Variants in UBR4 observed in about 807,000 individuals in gnomAD.
The protein encoded by UBR4 is ubiquitin protein ligase E3 component n-recognin 4, also known as E3 ubiquitin-protein ligase UBR4.
In UBR4, 124 loss-of-function variants were observed where a neutral mutation model predicts 575.6. The observed-to-expected ratio is 0.22, with a 90% confidence interval of 0.19 to 0.25. The LOEUF is 0.25. Ranked by LOEUF, UBR4 falls within the 10% of genes least tolerant of loss-of-function variation. The probability of loss-of-function intolerance (pLI) is 1.00; values close to 1 mark genes in which losing one functional copy is unlikely to be tolerated. For missense variants in UBR4, 4,818 were observed against 6,478.8 expected, an observed-to-expected ratio of 0.74 and a Z score of 8.80; for synonymous variants, 2,455 against 2,473.7, an observed-to-expected ratio of 0.99 and a Z score of 0.22.
Position 19,153,635 on chromosome 1 carries a change from C to A in UBR4, c.6630+133G>T. The stretch of plus-strand genomic sequence containing the variant: ...GTACAGAAGGGTGGCAAAGAAAAGG[C>A]ATCTAGAAGAAAAAGGACTGAAAAT... On this transcript the variant is annotated intron_variant, in intron 45 of 105. Coordinates refer to ENST00000375254, the MANE Select transcript of UBR4 (RefSeq NM_020765.3). The surrounding 1 kb of genome is among the most constrained non-coding windows in gnomAD (Gnocchi z 4.1). 1 of 1,460,554 alleles carries A rather than the reference C, an allele frequency of 6.8e-7. No homozygotes were observed. The highest frequency in any genetic ancestry group is 1.3e-5 in the South Asian group (1 of 75,912). The allele number at this position is 1,460,554 out of a possible 1,614,324, so 90.5% of individuals were successfully genotyped here. A position where few individuals can be genotyped will look rare whatever the true frequency, so the allele number is the denominator to read the frequency against.
At chr1:19,115,362 G>C in intron 74 of UBR4, 36 bp downstream of exon 74, 1 of 1,604,944 alleles carries the variant, frequency 6.2e-7, no homozygotes, top group Non-Finnish European at 8.5e-7. Context: ...CAAGGAATGT[G>C]CACAGCCCTG....
intron 60 of UBR4, among the ~76,000 whole-genome samples, chr1:19,133,513 A>T (rs1351444729): frequency 1.3e-5 from 2 of 152,212 alleles, no homozygotes; most frequent in East Asian, 3.8e-4. Context: ...ACTTCTTTCA[A>T]CATTGTACAA....
rs748323629 is a variant in UBR4, at chr1:19,151,825, T to C, written c.7031A>G (p.Asn2344Ser). The stretch of plus-strand genomic sequence containing the variant: ...CATGCCTGTCATCACCATAGTGCTA[T>C]TGTTGTTACTAATCTCAATGGTGAA... ...GGFTIEISNNNSTMVMTGMRI... is the reference protein window; with the variant it reads ...GGFTIEISNNSSTMVMTGMRI... The change falls in exon 48 of 106, where the codon AAT becomes AGT. Residue 2344 changes from asparagine (N) to serine (S), a missense_variant. Around this residue, in one of 29 missense-constraint regions of UBR4, gnomAD observed 461 missense variants for 606.9 expected, o/e 0.76. Coordinates refer to ENST00000375254, the MANE Select transcript of UBR4 (RefSeq NM_020765.3). 1.6e-5 allele frequency: 25 copies of C among 1,610,978 alleles called. No homozygotes were observed. The highest frequency in any genetic ancestry group is 2.7e-5 in the African/African-American group (2 of 74,846).
At chr1:19,111,027 A>C (rs1044062668) in intron 78 of UBR4, among the ~76,000 whole-genome samples, 195 bp from the exon 79 acceptor site, 1 of 152,198 alleles carries the variant, frequency 6.6e-6, no homozygotes, top group Non-Finnish European at 1.5e-5. Context: ...GGCCCATTAC[A>C]GCCGCCTTGC....
chr1:19,129,126 C>A (rs1417186400), intron 60 of UBR4, 52 bp from the exon 61 acceptor site: 6 of 1,501,480 alleles, frequency 4.0e-6, no homozygotes, highest in Admixed American at 1.7e-5. Context: ...CAACAGGACA[C>A]AGCTGAATAC....
chr1:19,126,802 CCCAA>C, intron 63 of UBR4, 147 bp from the exon 64 acceptor site: 2 of 842,918 alleles, frequency 2.4e-6, no homozygotes, highest in Non-Finnish European at 3.6e-6. Context: ...CTGAAACTTC[CCCAA>C]GGAAGTTTGT....
intron 77 of UBR4, chr1:19,113,483 A>G (rs1283456539): frequency 1.5e-6 from 1 of 654,658 alleles, no homozygotes; most frequent in African/African-American, 1.8e-5. Context: ...CAGTATGTTC[A>G]GTTATCTAGC....
At chr1:19,074,973 T>G in intron 105 of UBR4, 77 bp from the exon 106 acceptor site, 1 of 1,496,640 alleles carries the variant, frequency 6.7e-7, no homozygotes, top group African/African-American at 1.4e-5. Context: ...AGCTGCCGCA[T>G]CTAGCAGAGA....
In UBR4 at chr1:19,093,603, G is replaced by A. The variant is rs111797750; in HGVS notation, c.13938-117C>T. On this transcript the variant is annotated intron_variant, in intron 95 of 105. Transcript: ENST00000375254. The surrounding 1 kb of genome is among the most constrained non-coding windows in gnomAD (Gnocchi z 4.8). ...GAAGATCAAGGCTAAATTCCCTAAC[G>A]TGACACAAAGACCTATCTGCCCCGG... is the stretch of plus-strand genomic sequence containing the variant. The A allele has an allele frequency of 8.0e-5, 92 of 1,148,112 alleles. No homozygotes were observed. The highest frequency in any genetic ancestry group is 2.9e-4 in the Middle Eastern group (1 of 3,480). 71.1% of individuals were successfully genotyped at this position (1,148,112 alleles called of 1,614,324 possible).
intron 65 of UBR4, among the ~76,000 whole-genome samples, chr1:19,124,099 C>T (rs2081473798): frequency 8.5e-5 from 13 of 152,238 alleles, no homozygotes; most frequent in Admixed American, 8.5e-4. Flanking sequence ...CCAGCATCAA[C>T]CGCATCACAT....
Position 19,101,023 on chromosome 1 carries a change from C to G in UBR4, c.13024-450G>C, listed in dbSNP as rs1207483251. 2.6e-5 allele frequency among the ~76,000 whole-genome samples: 4 copies of G among 152,094 alleles called. No homozygotes were observed. The East Asian group carries it at 7.7e-4, about 29-fold the overall frequency. The stretch of plus-strand genomic sequence containing the variant: ...CAGGTACACACCCCCAATGAGCTCT[C>G]ATTGCTAGCTCATGATACTAGTGTT... On this transcript the variant is annotated intron_variant, in intron 88 of 105. Transcript: ENST00000375254.
chr1:19,197,234 C>T lies in UBR4; in HGVS notation c.925G>A (p.Ala309Thr), dbSNP rs1224011951. ...FHSLVIDVTM[A>T]LDTLSLPVLE... is the part of the protein sequence containing the mutation. Reference sequence around the variant, plus strand: ...ACAGGTAGAGAAAGGGTATCCAATGCCATAGTTACATCAATCACCAATGAA... The same window carrying T: ...ACAGGTAGAGAAAGGGTATCCAATGTCATAGTTACATCAATCACCAATGAA... The change falls in exon 8 of 106, where the codon GCA becomes ACA. Residue 309 changes from alanine (A) to threonine (T), a missense_variant. Physicochemically the swap from Ala to Thr is moderately conservative, Grantham distance 58. Coordinates refer to ENST00000375254, the MANE Select transcript of UBR4 (RefSeq NM_020765.3). The T allele has an allele frequency of 5.0e-6, 8 of 1,614,108 alleles. No individual in the cohort carries two copies. The highest frequency in any genetic ancestry group is 6.8e-6 in the Non-Finnish European group (8 of 1,180,012).
intron 67 of UBR4, 128 bp from the exon 68 acceptor site, chr1:19,121,562 G>A: frequency 8.3e-7 from 1 of 1,210,618 alleles, no homozygotes; most frequent in South Asian, 1.6e-5. Flanking sequence ...TGTTCTCTCT[G>A]CTGGACATTG....
chr1:19,197,111 A>C (rs370698853), intron 8 of UBR4, 30 bp downstream of exon 8: 214 of 1,610,410 alleles, frequency 1.3e-4, no homozygotes, highest in Middle Eastern at 5.0e-4. Context: ...CTTGACTGAG[A>C]AAATGAGACC....
At position 19,168,200 on chromosome 1, in the gene UBR4, G is replaced by A; in HGVS notation, c.3742-16C>T. 1 of 1,559,380 alleles carries A rather than the reference G, an allele frequency of 6.4e-7. No homozygotes were observed. The highest frequency in any genetic ancestry group is 1.2e-5 in the South Asian group (1 of 85,840). The stretch of plus-strand genomic sequence containing the variant: ...AGGCATTGCGCTGAAAGGAAGCAAA[G>A]CAGATGTAAATGGATAGACCATCTA... On this transcript the variant is annotated splice_polypyrimidine_tract_variant and intron_variant, in intron 27 of 105. Transcript: ENST00000375254.
At position 19,153,654 on chromosome 1, in the gene UBR4, T is replaced by C. The variant is rs1165135013; in HGVS notation, c.6630+114A>G. 5.4e-6 allele frequency: 8 copies of C among 1,493,300 alleles called. No homozygotes were observed. In the South Asian group the frequency reaches 7.9e-5, roughly 15 times the overall value. The allele number at this position is 1,493,300 out of a possible 1,614,324, so 92.5% of individuals were successfully genotyped here. On this transcript the variant is annotated intron_variant, in intron 45 of 105. Coordinates refer to ENST00000375254, the MANE Select transcript of UBR4 (RefSeq NM_020765.3). The surrounding 1 kb of genome is among the most constrained non-coding windows in gnomAD (Gnocchi z 4.1). ...AAAAGGCATCTAGAAGAAAAAGGAC[T>C]GAAAATCTTTTATGGGCCTCCATTG... is the stretch of plus-strand genomic sequence containing the variant.
rs879040426 is a variant in UBR4, at chr1:19,154,005, TA to T, written c.6459-67del. ...CCATTTAATAGTTCTTTTCTTGACCTAAAAACCATCCTCTAACTGGCTACGT... is the reference window on the plus strand; with the variant it reads ...CCATTTAATAGTTCTTTTCTTGACCTAAAACCATCCTCTAACTGGCTACGT... On this transcript the variant is annotated intron_variant, in intron 44 of 105. Coordinates refer to ENST00000375254, the MANE Select transcript of UBR4 (RefSeq NM_020765.3). 415 of 1,552,712 alleles carry T rather than the reference TA, an allele frequency of 2.7e-4. 5 individuals are homozygous for T. In the South Asian group the frequency reaches 4.0e-3, roughly 15 times the overall value.
At position 19,110,879 on chromosome 1, in the gene UBR4, T is replaced by A; in HGVS notation, c.11802-47A>T. 2 of 1,566,632 alleles carry A rather than the reference T, an allele frequency of 1.3e-6. No homozygotes were observed. The highest frequency in any genetic ancestry group is 1.7e-6 in the Non-Finnish European group (2 of 1,144,372). On this transcript the variant is annotated intron_variant, in intron 78 of 105. Coordinates refer to ENST00000375254, the MANE Select transcript of UBR4 (RefSeq NM_020765.3). This position sits in a 1 kb window ranked among gnomAD's most constrained non-coding sequence, Gnocchi z 4.5. ...GAGTCCTATAATTCACAATCAGGTGTGACACTCCTTTCCACCTGAAGGGGC... is the reference window on the plus strand; with the variant it reads ...GAGTCCTATAATTCACAATCAGGTGAGACACTCCTTTCCACCTGAAGGGGC...
rs747477082 is a variant in UBR4 at position 19,118,975 on chromosome 1, AAAG to A, written c.10456-21_10456-19del. On this transcript the variant is annotated intron_variant, in intron 70 of 105. Coordinates refer to ENST00000375254, the MANE Select transcript of UBR4 (RefSeq NM_020765.3). ...TCCTTCAACTGAAACAGAATTCAGTAAAGAAACAACTTAAAGCCCAAGGTGAAG... is the reference window on the plus strand; with the variant it reads ...TCCTTCAACTGAAACAGAATTCAGTAAAACAACTTAAAGCCCAAGGTGAAG... The A allele has an allele frequency of 3.1e-5, 50 of 1,612,008 alleles. No homozygotes were observed. The highest frequency in any genetic ancestry group is 4.0e-5 in the Non-Finnish European group (47 of 1,178,186).
Sources: allele counts gnomAD v4.1 joint callset (sites outside exome capture counted in the v4.1 genomes callset), GRCh38; gene constraint gnomAD v4.1.1; regional missense constraint gnomAD v4.1.1; non-coding constraint Gnocchi (gnomAD v3.1); transcripts MANE v1.5; gene names NCBI Gene and HGNC (gene_info 2026-07-23, HGNC 2026-07-21).